Variants in PPP1R12A observed in about 807,000 individuals in gnomAD.
PPP1R12A encodes protein phosphatase 1 regulatory subunit 12A.
In PPP1R12A, 19 loss-of-function variants were observed where a neutral mutation model predicts 139.6. That is an observed-to-expected ratio of 0.14 (90% CI 0.09 to 0.20). The LOEUF (loss-of-function observed/expected upper bound fraction) is 0.20, where lower values mean the gene tolerates loss of function less well. Among genes scored for constraint, PPP1R12A ranks in the 10% least tolerant of loss-of-function variants. The pLI, the probability that PPP1R12A is intolerant of heterozygous loss-of-function variation, is 1.00. For missense variants in PPP1R12A, 925 were observed against 1,211.5 expected, an observed-to-expected ratio of 0.76 and a Z score of 3.51; for synonymous variants, 427 against 420.6, an observed-to-expected ratio of 1.02 and a Z score of -0.19.
chr12:79,811,642 A>G (rs1874547969), intron 9 of PPP1R12A, among the ~76,000 whole-genome samples: 1 of 152,250 alleles, frequency 6.6e-6, no homozygotes, highest in Non-Finnish European at 1.5e-5. Flanking sequence ...ACAGGGCTAC[A>G]CTGTAAATGC....
intron 6 of PPP1R12A, among the ~76,000 whole-genome samples, chr12:79,821,861 T>C (rs541645513): frequency 1.3e-5 from 2 of 152,260 alleles, no homozygotes; most frequent in South Asian, 2.1e-4. Flanking sequence ...AACACTCTAA[T>C]GAAATTATAA....
rs1326116564 is a variant in PPP1R12A, at chr12:79,905,358, T to C, written c.237+29337A>G. Among the ~76,000 whole-genome samples, 5 of 106,830 alleles carry C rather than the reference T, an allele frequency of 4.7e-5. No individual in the cohort carries two copies. In the East Asian group the frequency reaches 1.5e-3, roughly 31 times the overall value. 70.1% of individuals were successfully genotyped at this position (106,830 alleles called of 152,430 possible). On this transcript the variant is annotated intron_variant, in intron 1 of 24. Coordinates refer to ENST00000450142, the MANE Select transcript of PPP1R12A (RefSeq NM_002480.3). ...TTTGCCGCCCCCCCCCACCCCTTTT[T>C]TTTTGAAGGAGAGGCATCCAAATCT...
chr12:79,825,759 C>T (rs1041650938), intron 5 of PPP1R12A, among the ~76,000 whole-genome samples: 1 of 151,592 alleles, frequency 6.6e-6, no homozygotes, highest in Non-Finnish European at 1.5e-5. Flanking sequence ...GGAAGGTATC[C>T]AATGACAATA....
At chr12:79,896,696 T>C (rs1217279831) in intron 1 of PPP1R12A, among the ~76,000 whole-genome samples, 1 of 152,178 alleles carries the variant, frequency 6.6e-6, no homozygotes, top group East Asian at 1.9e-4. Context: ...AGTGATGCCA[T>C]CTCACTGTGA....
At chr12:79,799,432 G>C (rs1314068413) in intron 14 of PPP1R12A, among the ~76,000 whole-genome samples, 1 of 152,152 alleles carries the variant, frequency 6.6e-6, no homozygotes. Flanking sequence ...TTAAAGGCGT[G>C]GGCCACCGCG....
At chr12:79,891,247 T>C (rs894320649) in intron 1 of PPP1R12A, among the ~76,000 whole-genome samples, 8 of 152,168 alleles carry the variant, frequency 5.3e-5, no homozygotes, top group African/African-American at 1.9e-4. Flanking sequence ...AAAAATCTTA[T>C]ATGGTTATCT....
intron 9 of PPP1R12A, among the ~76,000 whole-genome samples, chr12:79,812,739 T>C (rs2137080821): frequency 6.6e-6 from 1 of 152,214 alleles, no homozygotes; most frequent in Non-Finnish European, 1.5e-5. Flanking sequence ...ACTCAGTATG[T>C]CTAAAATAAA....
chr12:79,878,080 A>T (rs1883287779), intron 1 of PPP1R12A, among the ~76,000 whole-genome samples: 1 of 152,046 alleles, frequency 6.6e-6, no homozygotes, highest in Admixed American at 6.6e-5. Flanking sequence ...TAAGCCTACA[A>T]CACTACAAAA....
chr12:79,792,352 TC>T (rs1871984280), intron 19 of PPP1R12A, among the ~76,000 whole-genome samples: 1 of 152,148 alleles, frequency 6.6e-6, no homozygotes, highest in South Asian at 2.1e-4. Context: ...TATAATCCTA[TC>T]CCTATGAGGT....
chr12:79,819,736 G>A (rs1875856206), intron 8 of PPP1R12A, among the ~76,000 whole-genome samples: 1 of 152,104 alleles, frequency 6.6e-6, no homozygotes, highest in South Asian at 2.1e-4. Context: ...GAGGACAGGA[G>A]TTCAAGACTA....
intron 3 of PPP1R12A, among the ~76,000 whole-genome samples, chr12:79,836,386 A>G (rs1878085377): frequency 6.6e-6 from 1 of 152,072 alleles, no homozygotes; most frequent in Admixed American, 6.6e-5. Context: ...TTTCATTACA[A>G]TCTTAAACGT....
At chr12:79,929,148 A>G (rs1447242818) in intron 1 of PPP1R12A, among the ~76,000 whole-genome samples, 1 of 152,186 alleles carries the variant, frequency 6.6e-6, no homozygotes, top group Admixed American at 6.5e-5. Flanking sequence ...CACACAACCT[A>G]GATACCTCAG....
At chr12:79,814,394 G>A (rs1486199826) in intron 9 of PPP1R12A, among the ~76,000 whole-genome samples, 2 of 144,402 alleles carry the variant, frequency 1.4e-5, no homozygotes, top group African/African-American at 5.1e-5. Context: ...GGAGAATGGC[G>A]TGAACTTGGG....
Position 79,786,290 on chromosome 12 carries a change from A to T in PPP1R12A, c.2907+84T>A, listed in dbSNP as rs74440491. On this transcript the variant is annotated intron_variant, in intron 22 of 24. Coordinates refer to ENST00000450142, the MANE Select transcript of PPP1R12A (RefSeq NM_002480.3). The stretch of plus-strand genomic sequence containing the variant: ...CAATTATCAAACTTCTATTTAGAGT[A>T]TTAGAAAAAATTTTAATACCATTTT... 1,027 of 769,574 alleles carry T rather than the reference A, an allele frequency of 1.3e-3. 7 individuals carry two copies. The African/African-American group carries it at 0.017, about 13-fold the overall frequency. The allele number at this position is 769,574 out of a possible 1,614,324, so 47.7% of individuals were successfully genotyped here.
At chr12:79,886,136 G>C (rs957922403) in intron 1 of PPP1R12A, among the ~76,000 whole-genome samples, 1 of 152,116 alleles carries the variant, frequency 6.6e-6, no homozygotes, top group Non-Finnish European at 1.5e-5. Flanking sequence ...GAACTGAATT[G>C]GATACTGTCC....
chr12:79,882,621 T>C (rs933885656), intron 1 of PPP1R12A, among the ~76,000 whole-genome samples: 1 of 152,178 alleles, frequency 6.6e-6, no homozygotes, highest in African/African-American at 2.4e-5. Flanking sequence ...TGACATAAAC[T>C]TGGTTGATAC....
chr12:79,935,210 A>C, upstream of PPP1R12A: 10 of 1,297,356 alleles, frequency 7.7e-6, no homozygotes, highest in Non-Finnish European at 6.9e-6. Context: ...CGAGATCCGG[A>C]CTGGGAGGCG....
chr12:79,935,212 T>G, upstream of PPP1R12A: 1 of 1,292,968 alleles, frequency 7.7e-7, no homozygotes, highest in Non-Finnish European at 9.8e-7. Context: ...AGATCCGGAC[T>G]GGGAGGCGCC....
intron 2 of PPP1R12A, among the ~76,000 whole-genome samples, chr12:79,870,992 A>AT (rs892107432): frequency 2.2e-4 from 33 of 149,710 alleles, no homozygotes; most frequent in African/African-American, 4.9e-4. Flanking sequence ...CTTGCAATCC[A>AT]TTTTTTTTTT....
Sources: gnomAD v4.1 joint callset for allele counts (sites outside exome capture counted in the v4.1 genomes callset) on GRCh38, gnomAD v4.1.1 for gene constraint, MANE v1.5 for transcripts, NCBI Gene and HGNC (gene_info 2026-07-23, HGNC 2026-07-21) for gene names.